The following QTRT1 variants were observed in gnomAD, a reference collection of about 807,000 sequenced individuals.
The protein encoded by QTRT1 is queuine tRNA-ribosyltransferase catalytic subunit 1.
A neutral mutation model predicts 44.0 loss-of-function variants in QTRT1; 41 were observed. The ratio of observed to expected loss-of-function variants is 0.93; its 90% CI spans 0.73 to 1.21. The LOEUF (loss-of-function observed/expected upper bound fraction) is 1.21, where lower values mean the gene tolerates loss of function less well. Among genes scored for constraint, QTRT1 ranks in the 50% most tolerant of loss-of-function variants. QTRT1 has a pLI of 0.00. For synonymous variants in QTRT1, 226 were observed against 237.1 expected (o/e 0.95, Z 0.43); for missense variants, 542 against 575.8 (o/e 0.94, Z 0.60).
rs774506989 is a variant in QTRT1, at chr19:10,707,632, G to A, written c.646+17G>A. 4 of 1,568,422 alleles carry A rather than the reference G, an allele frequency of 2.6e-6. No homozygotes were observed. Among genetic ancestry groups the A allele is most frequent in the Non-Finnish European group, 3.5e-6 (4 of 1,152,814 alleles). ...GCCTTGAAGGTAGAGCCATGCGCTG[G>A]CAGGCCCAGGGCTTGGCCATCGCGG... On this transcript the variant is annotated intron_variant, in intron 5 of 9. Transcript: ENST00000250237.
Position 10,712,449 on chromosome 19 carries a change from A to T in QTRT1, c.786-104A>T. On this transcript the variant is annotated intron_variant, in intron 6 of 9. Coordinates refer to ENST00000250237, the MANE Select transcript of QTRT1 (RefSeq NM_031209.3). The surrounding 1 kb of genome is among the most constrained non-coding windows in gnomAD (Gnocchi z 5.6). ...AAGACATGGCTGTCCCTTGGGGGCC[A>T]TTCTGAGGGAATATGGCCCAGTCTG... The T allele has an allele frequency of 6.9e-7, 1 of 1,447,420 alleles. No homozygotes were observed. Among genetic ancestry groups the T allele is most frequent in the South Asian group, 1.2e-5 (1 of 86,650 alleles). The allele number at this position is 1,447,420 out of a possible 1,614,324, so 89.7% of individuals were successfully genotyped here. A position where few individuals can be genotyped will look rare whatever the true frequency, so the allele number is the denominator to read the frequency against.
chr19:10,712,621 G>T lies in QTRT1; in HGVS notation c.854G>T (p.Arg285Leu). The T allele has an allele frequency of 1.2e-6, 2 of 1,612,128 alleles. No homozygotes were observed. Among genetic ancestry groups the T allele is most frequent in the South Asian group, 2.2e-5 (2 of 91,044 alleles). ...ATGTTCGACTGCGTCTTCCCCACACGGACAGCGGTGAGGCTCTGGCAGAAG... is the reference window on the plus strand; with the variant it reads ...ATGTTCGACTGCGTCTTCCCCACACTGACAGCGGTGAGGCTCTGGCAGAAG... ...CDMFDCVFPT[R>L]TARFGSALVP... Residue 285 changes from arginine to leucine, a missense_variant, in exon 7 of 10, where the codon CGG becomes CTG. Physicochemically the swap from Arg to Leu is moderately radical, Grantham distance 102. Transcript: ENST00000250237. This position sits in a 1 kb window ranked among gnomAD's most constrained non-coding sequence, Gnocchi z 5.6.
chr19:10,708,029 C>T (rs2145622317), intron 5 of QTRT1, among the ~76,000 whole-genome samples: 1 of 151,516 alleles, frequency 6.6e-6, no homozygotes, highest in Non-Finnish European at 1.5e-5. Context: ...CTCACTGCAA[C>T]CTCTGCCTCC....
chr19:10,707,206 T>A, intron 3 of QTRT1, 96 bp from the exon 4 acceptor site: 6 of 1,213,110 alleles, frequency 4.9e-6, no homozygotes, highest in Non-Finnish European at 7.3e-6. Context: ...GATGGGGGGA[T>A]GCTCTTGGGG....
Position 10,707,579 on chromosome 19 carries a change from G to T in QTRT1, c.610G>T (p.Gly204Trp). The T allele has an allele frequency of 1.2e-6, 2 of 1,611,032 alleles. No homozygotes were observed. Among genetic ancestry groups the T allele is most frequent in the Non-Finnish European group, 8.5e-7 (1 of 1,178,636 alleles). ...KQNLFAIIQG[G>W]LDADLRATCL... ...GAACCTCTTCGCCATTATCCAGGGT[G>T]GGCTGGACGCAGATCTCCGGGCCAC... Residue 204 changes from glycine to tryptophan, a missense_variant, in exon 5 of 10, where the codon GGG becomes TGG. Coordinates refer to ENST00000250237, the MANE Select transcript of QTRT1 (RefSeq NM_031209.3).
In QTRT1 at chr19:10,712,253, A is replaced by G; in HGVS notation, c.739A>G (p.Thr247Ala). ...SQFWRMVALS[T>A]SRLPKDKPRY... ...GTTCTGGCGGATGGTGGCGCTGAGC[A>G]CCTCTCGGCTGCCGAAGGACAAGCC... is the stretch of plus-strand genomic sequence containing the variant. Residue 247 changes from threonine (T) to alanine (A), a missense_variant, in exon 6 of 10, where the codon ACC (threonine) becomes GCC (alanine). By Grantham distance (58) the Thr-to-Ala change is moderately conservative. Transcript: ENST00000250237. The surrounding 1 kb of genome is among the most constrained non-coding windows in gnomAD (Gnocchi z 5.6). 1 of 1,613,674 alleles carries G rather than the reference A, an allele frequency of 6.2e-7. No homozygotes were observed. Among genetic ancestry groups the G allele is most frequent in the Non-Finnish European group, 8.5e-7 (1 of 1,179,892 alleles).
In QTRT1 at chr19:10,703,151, C is replaced by A. The variant is rs573140854; in HGVS notation, c.451+897C>A. Among the ~76,000 whole-genome samples, 75 of 149,542 alleles carry A rather than the reference C, an allele frequency of 5.0e-4. 1 individual carries two copies. The South Asian group carries it at 9.9e-3, about 20-fold the overall frequency. On this transcript the variant is annotated intron_variant, in intron 3 of 9. Transcript: ENST00000250237. ...GATATCCAGTCACTGCAACCTCCAC[C>A]TCCTGGGTTCAAGTGATTCTCCTGC...
chr19:10,704,362 C>T (rs1045075275), intron 3 of QTRT1, among the ~76,000 whole-genome samples: 3 of 151,850 alleles, frequency 2.0e-5, no homozygotes, highest in African/African-American at 7.3e-5. Flanking sequence ...GGCGCGATCT[C>T]GGCTCACTGC....
chr19:10,706,148 C>T (rs2068712724), intron 3 of QTRT1, among the ~76,000 whole-genome samples: 1 of 152,122 alleles, frequency 6.6e-6, no homozygotes. Context: ...GCCACTGCGC[C>T]CGGCTGTGGC....
intron 1 of QTRT1, 90 bp downstream of exon 1, chr19:10,701,793 A>G (rs993771940): frequency 6.4e-7 from 1 of 1,566,972 alleles, no homozygotes; most frequent in African/African-American, 1.3e-5. Context: ...ACTCCTCCCA[A>G]AGTCAATCGA....
At position 10,712,635 on chromosome 19, in the gene QTRT1, C is replaced by T. The variant is rs373707104; in HGVS notation, c.861+7C>T. The T allele has an allele frequency of 4.4e-5, 70 of 1,604,894 alleles. No homozygotes were observed. Among genetic ancestry groups the T allele is most frequent in the Non-Finnish European group, 5.6e-5 (66 of 1,177,838 alleles). On this transcript the variant is annotated splice_region_variant and intron_variant, in intron 7 of 9. Transcript: ENST00000250237. The surrounding 1 kb of genome is among the most constrained non-coding windows in gnomAD (Gnocchi z 5.6). ...CTTCCCCACACGGACAGCGGTGAGG[C>T]TCTGGCAGAAGGAGGTCAGGGCGGG...
At chr19:10,711,962 C>G (rs1373842676) in intron 5 of QTRT1, 199 bp from the exon 6 acceptor site, 3 of 655,602 alleles carry the variant, frequency 4.6e-6, no homozygotes, top group East Asian at 2.7e-5. Flanking sequence ...AGCCCCTAGA[C>G]AGACAGACAA....
At position 10,712,056 on chromosome 19, in the gene QTRT1, A is replaced by T. The variant is rs2068740831; in HGVS notation, c.647-105A>T. On this transcript the variant is annotated intron_variant, in intron 5 of 9. Coordinates refer to ENST00000250237, the MANE Select transcript of QTRT1 (RefSeq NM_031209.3). This position sits in a 1 kb window ranked among gnomAD's most constrained non-coding sequence, Gnocchi z 5.6. ...CTGTCTGTCTCTGTCTGTTTCTCTG[A>T]CTCTCTCCCTGAGCGACTCTGGAAG... 2.1e-6 allele frequency: 3 copies of T among 1,416,858 alleles called. No individual in the cohort carries two copies. The highest frequency in any genetic ancestry group is 2.9e-6 in the Non-Finnish European group (3 of 1,017,118). 87.8% of individuals were successfully genotyped at this position (1,416,858 alleles called of 1,614,324 possible). A position where few individuals can be genotyped will look rare whatever the true frequency, so the allele number is the denominator to read the frequency against.
chr19:10,709,187 G>C (rs2068727757), intron 5 of QTRT1: 1 of 152,230 alleles, frequency 6.6e-6, no homozygotes, highest in Non-Finnish European at 1.5e-5. Context: ...TGTAGCCTTG[G>C]ACTAGTGGTT....
In QTRT1 at chr19:10,712,816, A is replaced by C; in HGVS notation, c.920A>C (p.Glu307Ala). The stretch of plus-strand genomic sequence containing the variant: ...CTGCAGTTGAGGAAGAAGGTGTTTG[A>C]GAAGGACTTCGGCCCCATAGACCCG... ...GNLQLRKKVF[E>A]KDFGPIDPEC... Residue 307 changes from glutamate to alanine, a missense_variant, in exon 8 of 10, where the codon GAG becomes GCG. Transcript: ENST00000250237. This position sits in a 1 kb window ranked among gnomAD's most constrained non-coding sequence, Gnocchi z 5.6. 1 of 1,613,988 alleles carries C rather than the reference A, an allele frequency of 6.2e-7. No homozygotes were observed. Among genetic ancestry groups the C allele is most frequent in the Non-Finnish European group, 8.5e-7 (1 of 1,180,008 alleles).
intron 5 of QTRT1, among the ~76,000 whole-genome samples, chr19:10,708,307 T>C (rs2068723985): frequency 6.6e-6 from 1 of 152,138 alleles, no homozygotes; most frequent in African/African-American, 2.4e-5. Flanking sequence ...TTGCTCCTCC[T>C]GGAGTGCAGT....
chr19:10,712,195 C>G lies in QTRT1; in HGVS notation c.681C>G (p.Ile227Met). 6.2e-7 allele frequency: 1 copy of G among 1,613,762 alleles called. No homozygotes were observed. Among genetic ancestry groups the G allele is most frequent in the Non-Finnish European group, 8.5e-7 (1 of 1,180,042 alleles). ...AGCGAGACGTGCCTGGCTTCGCCATCGGGGGCCTGAGCGGGGGTGAGAGCA... is the reference window on the plus strand; with the variant it reads ...AGCGAGACGTGCCTGGCTTCGCCATGGGGGGCCTGAGCGGGGGTGAGAGCA... Reference protein sequence around the residue: ...MTKRDVPGFAIGGLSGGESKS... With the variant: ...MTKRDVPGFAMGGLSGGESKS... Residue 227 changes from isoleucine (I) to methionine (M), a missense_variant, in exon 6 of 10, where the codon ATC (isoleucine) becomes ATG (methionine). Physicochemically the swap from Ile to Met is conservative, Grantham distance 10. Coordinates refer to ENST00000250237, the MANE Select transcript of QTRT1 (RefSeq NM_031209.3). This position sits in a 1 kb window ranked among gnomAD's most constrained non-coding sequence, Gnocchi z 5.6.
intron 5 of QTRT1, among the ~76,000 whole-genome samples, chr19:10,710,812 A>T (rs897643859): frequency 5.3e-5 from 8 of 150,544 alleles, no homozygotes; most frequent in Non-Finnish European, 1.0e-4. Context: ...AGTCCCAGCT[A>T]CTCGGGGGGC....
chr19:10,711,943 A>C, intron 5 of QTRT1: 1 of 615,546 alleles, frequency 1.6e-6, no homozygotes, highest in East Asian at 2.8e-5. Flanking sequence ...TGAGATCAGC[A>C]GTAGTCCCAG....
Sources: gnomAD v4.1 joint callset for allele counts (sites outside exome capture counted in the v4.1 genomes callset) on GRCh38, gnomAD v4.1.1 for gene constraint, Gnocchi (gnomAD v3.1) non-coding constraint, MANE v1.5 for transcripts, NCBI Gene and HGNC (gene_info 2026-07-23, HGNC 2026-07-21) for gene names.